Variants in TCERG1 observed in about 807,000 individuals in gnomAD.
TCERG1 encodes the protein TATA box binding protein (TBP)-associated factor, RNA polymerase II, S, 150kD.
Under a neutral mutation model 144.7 loss-of-function variants are expected in TCERG1, and 37 were observed. The observed-to-expected ratio is 0.26, with a 90% CI of 0.20 to 0.34. The LOEUF (loss-of-function observed/expected upper bound fraction) is 0.34. TCERG1 is among the 10% of genes least tolerant of loss of function. The pLI is 1.00. For synonymous variants in TCERG1, 492 were observed against 458.2 expected, an observed-to-expected ratio of 1.07 and a Z score of -0.94; for missense variants, 1,027 against 1,380.7, an observed-to-expected ratio of 0.74 and a Z score of 4.06.
intron 22 of TCERG1, 50 bp from the exon 23 acceptor site, chr5:146,510,391 G>T: frequency 7.9e-7 from 1 of 1,265,362 alleles, no homozygotes; most frequent in Non-Finnish European, 1.1e-6. Context: ...ATTTCTGAAA[G>T]ACCTGTGAAC....
chr5:146,476,340 A>G (rs966069683), intron 9 of TCERG1, among the ~76,000 whole-genome samples: 3 of 152,182 alleles, frequency 2.0e-5, no homozygotes, highest in African/African-American at 7.2e-5. Flanking sequence ...CTGTTTCTCA[A>G]TGATAGTGAC....
Position 146,510,830 on chromosome 5 carries a change from C to A in TCERG1, c.*188C>A. 2.0e-6 allele frequency: 1 copy of A among 499,068 alleles called. No homozygotes were observed. The highest frequency in any genetic ancestry group is 3.4e-6 in the Non-Finnish European group (1 of 290,318). 30.9% of individuals were successfully genotyped at this position (499,068 alleles called of 1,614,324 possible). The stretch of plus-strand genomic sequence containing the variant: ...TTATGCTTTTCTTTGTGTGGCATGA[C>A]TGACATACATACTCAAATATAGGCT... On this transcript the variant is annotated 3_prime_UTR_variant, in exon 23 of 23. Transcript: ENST00000679501.
intron 13 of TCERG1, chr5:146,482,301 G>T: frequency 1.1e-5 from 2 of 189,276 alleles, no homozygotes; most frequent in Non-Finnish European, 2.1e-5. Context: ...TTTAAGTAAG[G>T]TTGCTCCCTT....
rs1436518686 is a variant in TCERG1 at position 146,507,670 on chromosome 5, T to C, written c.2962-203T>C. ...ATTGTCTTAGGCCACCTTGAAAGTATGGCCATGAAAATAACTCTTGTGGCA... is the reference window on the plus strand; with the variant it reads ...ATTGTCTTAGGCCACCTTGAAAGTACGGCCATGAAAATAACTCTTGTGGCA... On this transcript the variant is annotated intron_variant, in intron 20 of 22. Coordinates refer to ENST00000679501, the MANE Select transcript of TCERG1 (RefSeq NM_001382548.1). This position sits in a 1 kb window ranked among gnomAD's most constrained non-coding sequence, Gnocchi z 4.6. 4.5e-6 allele frequency: 2 copies of C among 444,484 alleles called. No individual in the cohort carries two copies. Among genetic ancestry groups the C allele is most frequent in the East Asian group, 3.5e-5 (1 of 28,340 alleles). 27.5% of individuals were successfully genotyped at this position (444,484 alleles called of 1,614,324 possible).
intron 2 of TCERG1, among the ~76,000 whole-genome samples, chr5:146,455,528 A>T (rs920697477): frequency 2.0e-5 from 3 of 152,220 alleles, no homozygotes; most frequent in African/African-American, 7.2e-5. Context: ...AATAGTTTTT[A>T]CCTACCTTTA....
intron 15 of TCERG1, among the ~76,000 whole-genome samples, chr5:146,491,559 A>G (rs1372041139): frequency 1.3e-5 from 2 of 152,130 alleles, no homozygotes; most frequent in Non-Finnish European, 2.9e-5. Flanking sequence ...TCAGATTCCC[A>G]ATAAAGACTT....
At chr5:146,455,850 T>C (rs924948246) in intron 2 of TCERG1, among the ~76,000 whole-genome samples, 2 of 152,244 alleles carry the variant, frequency 1.3e-5, no homozygotes, top group African/African-American at 4.8e-5. Flanking sequence ...AAAACATTTA[T>C]GGTATTTTAA....
chr5:146,463,817 C>G (rs769820180), intron 5 of TCERG1, 24 bp downstream of exon 5: 24 of 1,613,604 alleles, frequency 1.5e-5, no homozygotes, highest in Non-Finnish European at 1.7e-5. Context: ...TTATAATGGT[C>G]TTTCCAGCTA....
At chr5:146,466,147 A>G (rs563619498) in intron 5 of TCERG1, among the ~76,000 whole-genome samples, 138 of 152,310 alleles carry the variant, frequency 9.1e-4, no homozygotes, top group Non-Finnish European at 1.6e-3. Context: ...TGTTTAGTAA[A>G]AAACAAGGAC....
chr5:146,467,818 A>G (rs187459533), intron 5 of TCERG1, among the ~76,000 whole-genome samples: 1 of 152,286 alleles, frequency 6.6e-6, no homozygotes, highest in Admixed American at 6.5e-5. Flanking sequence ...ATTTGGATCC[A>G]TCTCATACCT....
chr5:146,471,374 T>G, intron 8 of TCERG1, 114 bp from the exon 9 acceptor site: 2 of 894,112 alleles, frequency 2.2e-6, no homozygotes, highest in Non-Finnish European at 3.4e-6. Context: ...TCTCCTCTTA[T>G]TCTAGCAGCA....
In TCERG1 at chr5:146,483,531, A is replaced by G. The variant is rs1765551217; in HGVS notation, c.2074-9A>G. On this transcript the variant is annotated splice_polypyrimidine_tract_variant and intron_variant, in intron 14 of 22. Coordinates refer to ENST00000679501, the MANE Select transcript of TCERG1 (RefSeq NM_001382548.1). ...CTTAATTATGAGGCAATACGTTTTTATTTTAAAGGTGTCTGCTTTTTCAAC... is the reference window on the plus strand; with the variant it reads ...CTTAATTATGAGGCAATACGTTTTTGTTTTAAAGGTGTCTGCTTTTTCAAC... The G allele has an allele frequency of 5.0e-6, 8 of 1,608,710 alleles. No homozygotes were observed. The highest frequency in any genetic ancestry group is 6.8e-6 in the Non-Finnish European group (8 of 1,177,788).
intron 4 of TCERG1, chr5:146,462,206 A>G (rs1763393063): frequency 6.6e-6 from 1 of 152,584 alleles, no homozygotes; most frequent in East Asian, 1.9e-4. Flanking sequence ...TGTCAGTTGG[A>G]TTATTGGGTG....
At chr5:146,492,414 G>A (rs559116804) in intron 15 of TCERG1, among the ~76,000 whole-genome samples, 1 of 152,170 alleles carries the variant, frequency 6.6e-6, no homozygotes, top group Middle Eastern at 3.4e-3. Flanking sequence ...CATTTTGTAG[G>A]GTGTGAAGTA....
chr5:146,484,605 G>T (rs1765657811), intron 15 of TCERG1, among the ~76,000 whole-genome samples: 1 of 152,168 alleles, frequency 6.6e-6, no homozygotes, highest in Non-Finnish European at 1.5e-5. Context: ...GGAATAGAAA[G>T]ACATAACTTC....
intron 9 of TCERG1, among the ~76,000 whole-genome samples, chr5:146,477,692 C>CTTTTTTTTTT (rs1168989847): frequency 2.5e-5 from 2 of 79,388 alleles, no homozygotes; most frequent in African/African-American, 1.0e-4. Context: ...TGGTACTTTA[C>CTTTTTTTTTT]TTTTTTTTTT....
At chr5:146,458,556 T>G (rs1333877902) in intron 3 of TCERG1, among the ~76,000 whole-genome samples, 1 of 152,094 alleles carries the variant, frequency 6.6e-6, no homozygotes, top group Non-Finnish European at 1.5e-5. Flanking sequence ...CACTGCAGCC[T>G]CCACTTCCTG....
Position 146,478,487 on chromosome 5 carries a change from T to A in TCERG1, c.1602-6T>A. The A allele has an allele frequency of 1.3e-6, 2 of 1,579,322 alleles. No individual in the cohort carries two copies. The highest frequency in any genetic ancestry group is 2.0e-5 in the Admixed American group (1 of 49,732). Reference sequence around the variant, plus strand: ...TAAGAGAATGATATTTTGCATCAATTCTTAGGTGTGTCGTTTGGACTGGTG... The same window carrying A: ...TAAGAGAATGATATTTTGCATCAATACTTAGGTGTGTCGTTTGGACTGGTG... On this transcript the variant is annotated splice_polypyrimidine_tract_variant and splice_region_variant and intron_variant, in intron 9 of 22. Coordinates refer to ENST00000679501, the MANE Select transcript of TCERG1 (RefSeq NM_001382548.1).
chr5:146,498,754 T>TA, intron 17 of TCERG1, 68 bp downstream of exon 17: 3 of 1,505,368 alleles, frequency 2.0e-6, no homozygotes. Flanking sequence ...ATGCTGGTGT[T>TA]ATGTTTCTAA....
Sources: gnomAD v4.1 joint callset for allele counts (sites outside exome capture counted in the v4.1 genomes callset) on GRCh38, gnomAD v4.1.1 for gene constraint, Gnocchi (gnomAD v3.1) non-coding constraint, MANE v1.5 for transcripts, NCBI Gene and HGNC (gene_info 2026-07-23, HGNC 2026-07-21) for gene names.